METAP1D: variants seen among roughly 807,000 people sequenced by gnomAD.
METAP1D encodes the protein methionyl aminopeptidase type 1D, mitochondrial, also known as methionine aminopeptidase 1D, mitochondrial.
In METAP1D, 31 loss-of-function variants were observed where a neutral mutation model predicts 40.5. That is an observed-to-expected ratio of 0.77 (90% confidence interval 0.58 to 1.03). METAP1D has a LOEUF of 1.03. METAP1D is among the 50% of genes least tolerant of loss of function. The pLI is 0.00. For missense variants in METAP1D, 411 were observed against 420.7 expected (o/e 0.98, Z 0.20); for synonymous variants, 151 against 146.4 (o/e 1.03, Z -0.22).
intron 1 of METAP1D, among the ~76,000 whole-genome samples, chr2:172,037,952 T>A (rs1175522945): frequency 6.6e-6 from 1 of 152,204 alleles, no homozygotes; most frequent in Non-Finnish European, 1.5e-5. Flanking sequence ...GCTCTGGGGC[T>A]GGTACAGCTA....
At chr2:172,054,880 A>G (rs1051696870) in intron 1 of METAP1D, among the ~76,000 whole-genome samples, 5 of 152,328 alleles carry the variant, frequency 3.3e-5, no homozygotes, top group Non-Finnish European at 5.9e-5. Context: ...AATTCTTATT[A>G]TTACCTTTGA....
intron 1 of METAP1D, among the ~76,000 whole-genome samples, chr2:172,037,959 G>C (rs1274338944): frequency 6.6e-6 from 1 of 152,196 alleles, no homozygotes; most frequent in East Asian, 1.9e-4. Flanking sequence ...GGCTGGTACA[G>C]CTATTACAGG....
intron 1 of METAP1D, among the ~76,000 whole-genome samples, chr2:172,056,362 A>G (rs1211872276): frequency 3.9e-5 from 6 of 152,230 alleles, no homozygotes; most frequent in Non-Finnish European, 2.9e-5. Flanking sequence ...TGTTATTGTT[A>G]TTGCTCAAGA....
chr2:172,075,347 T>A (rs1690515972), intron 6 of METAP1D, among the ~76,000 whole-genome samples: 1 of 152,174 alleles, frequency 6.6e-6, no homozygotes, highest in African/African-American at 2.4e-5. Flanking sequence ...GAAGACAGAT[T>A]TTATCCGTGA....
At chr2:172,034,947 T>C (rs1032535742) in intron 1 of METAP1D, among the ~76,000 whole-genome samples, 9 of 151,930 alleles carry the variant, frequency 5.9e-5, no homozygotes, top group Admixed American at 2.6e-4. Flanking sequence ...AATTTATTCC[T>C]TCAAAATATA....
intron 5 of METAP1D, among the ~76,000 whole-genome samples, chr2:172,066,831 A>T (rs788163): frequency 6.6e-6 from 1 of 152,064 alleles, no homozygotes; most frequent in South Asian, 2.1e-4. Context: ...TTTTGCTAGC[A>T]GTGTTCCCTA....
At chr2:172,071,726 A>G (rs1295763293) in intron 6 of METAP1D, among the ~76,000 whole-genome samples, 2 of 152,056 alleles carry the variant, frequency 1.3e-5, no homozygotes, top group East Asian at 1.9e-4. Flanking sequence ...TTTTTCCCCC[A>G]TAACTGTTTT....
At chr2:172,022,093 T>C (rs569929765) in intron 1 of METAP1D, among the ~76,000 whole-genome samples, 3 of 152,304 alleles carry the variant, frequency 2.0e-5, no homozygotes, top group Non-Finnish European at 4.4e-5. Flanking sequence ...TGGTGGCGCC[T>C]ATATTTCATC....
At chr2:172,008,464 T>C (rs1175159961) in intron 1 of METAP1D, among the ~76,000 whole-genome samples, 1 of 152,176 alleles carries the variant, frequency 6.6e-6, no homozygotes, top group Non-Finnish European at 1.5e-5. Flanking sequence ...TAAAATACCA[T>C]AGTCCCCCGC....
chr2:172,045,773 A>G (rs1689731969), intron 1 of METAP1D, among the ~76,000 whole-genome samples: 1 of 121,314 alleles, frequency 8.2e-6, no homozygotes, highest in Non-Finnish European at 1.7e-5. Flanking sequence ...GTATATATGT[A>G]TATATGTGTA....
At chr2:172,029,905 G>A (rs533295039) in intron 1 of METAP1D, among the ~76,000 whole-genome samples, 14 of 151,734 alleles carry the variant, frequency 9.2e-5, no homozygotes, top group South Asian at 6.3e-4. Context: ...ACAGGCATGC[G>A]CCACCACATC....
In METAP1D at chr2:172,042,216, T is replaced by C. The variant is rs1160987509; in HGVS notation, c.41-19282T>C. Among the ~76,000 whole-genome samples, 27 of 25,104 alleles carry C rather than the reference T, an allele frequency of 1.1e-3. 11 individuals carry two copies. The highest frequency in any genetic ancestry group is 6.1e-4 in the Non-Finnish European group (3 of 4,956). The allele number at this position is 25,104 out of a possible 152,430, so 16.5% of individuals were successfully genotyped here. Reference sequence around the variant, plus strand: ...GTGTACACATATACATATGTATGTGTACATGTGTACACATATACATATGTA... The same window carrying C: ...GTGTACACATATACATATGTATGTGCACATGTGTACACATATACATATGTA... On this transcript the variant is annotated intron_variant, in intron 1 of 9. Transcript: ENST00000315796.
intron 1 of METAP1D, among the ~76,000 whole-genome samples, chr2:172,010,842 C>T (rs942249512): frequency 5.3e-5 from 8 of 150,870 alleles, no homozygotes; most frequent in Non-Finnish European, 1.2e-4. Flanking sequence ...GCAACCTCCG[C>T]CTCCCAGGTT....
chr2:172,070,970 T>A lies in METAP1D; in HGVS notation c.604T>A (p.Cys202Ser). Residue 202 changes from cysteine (C) to serine (S), a missense_variant, in exon 6 of 10, where the codon TGT (cysteine) becomes AGT (serine). Coordinates refer to ENST00000315796, the MANE Select transcript of METAP1D (RefSeq NM_199227.3). ...ETFLVGNVDECGKKLVEVARR... is the reference protein window; with the variant it reads ...ETFLVGNVDESGKKLVEVARR... ...ATTTTTGGTGGGCAATGTGGACGAA[T>A]GTGGTAAAAAGTTAGTGGAGGTTGC... 1 of 1,613,306 alleles carries A rather than the reference T, an allele frequency of 6.2e-7. No individual in the cohort carries two copies. The highest frequency in any genetic ancestry group is 1.3e-5 in the African/African-American group (1 of 74,988).
chr2:172,051,704 A>C (rs1689887639), intron 1 of METAP1D, among the ~76,000 whole-genome samples: 1 of 152,076 alleles, frequency 6.6e-6, no homozygotes, highest in Admixed American at 6.6e-5. Context: ...TCTGTGACTG[A>C]CTTTCCAGTT....
chr2:172,063,908 C>A (rs781144999), intron 3 of METAP1D, 48 bp downstream of exon 3: 1 of 1,503,382 alleles, frequency 6.7e-7, no homozygotes, highest in Non-Finnish European at 8.9e-7. Context: ...GGGCAACAAA[C>A]ACTCCTCTTT....
chr2:172,035,390 T>G (rs2105422626), intron 1 of METAP1D, among the ~76,000 whole-genome samples: 1 of 152,134 alleles, frequency 6.6e-6, no homozygotes, highest in Admixed American at 6.5e-5. Flanking sequence ...GGTCTCCATC[T>G]CCTGACCTCG....
intron 1 of METAP1D, among the ~76,000 whole-genome samples, chr2:172,040,421 C>T (rs1381773046): frequency 6.6e-6 from 1 of 152,082 alleles, no homozygotes; most frequent in Non-Finnish European, 1.5e-5. Context: ...GATTTTCTTC[C>T]AGACTAGTAG....
Position 172,007,113 on chromosome 2 carries a change from G to GTT in METAP1D, c.40+7114_40+7115dup, listed in dbSNP as rs11385242. Among the ~76,000 whole-genome samples, 624 of 136,800 alleles carry GTT rather than the reference G, an allele frequency of 4.6e-3. 3 individuals are homozygous for GTT. Among genetic ancestry groups the GTT allele is most frequent in the African/African-American group, 0.016 (597 of 37,898 alleles). The allele number at this position is 136,800 out of a possible 152,430, so 89.7% of individuals were successfully genotyped here. A position where few individuals can be genotyped will look rare whatever the true frequency, so the allele number is the denominator to read the frequency against. On this transcript the variant is annotated intron_variant, in intron 1 of 9. Coordinates refer to ENST00000315796, the MANE Select transcript of METAP1D (RefSeq NM_199227.3). ...GTCTGTTTCTGTTTTGTTGACTGCT[G>GTT]TTTTTTTTTTTATTGTACATTACGT...
Sources: gnomAD v4.1 joint callset for allele counts (sites outside exome capture counted in the v4.1 genomes callset) on GRCh38, gnomAD v4.1.1 for gene constraint, MANE v1.5 for transcripts, NCBI Gene and HGNC (gene_info 2026-07-23, HGNC 2026-07-21) for gene names.